The following CCDC71 variants were observed in gnomAD, a reference collection of about 807,000 sequenced individuals.
CCDC71 encodes the protein coiled-coil domain containing 71.
For synonymous variants in CCDC71, 257 were observed against 242.2 expected, an observed-to-expected ratio of 1.06 and a Z score of -0.57; for missense variants, 594 against 604.0, an observed-to-expected ratio of 0.98 and a Z score of 0.17.
rs750393761 is a variant in CCDC71 at position 49,162,559 on chromosome 3, TG to T, written c.*245del. ...GTGGAAAGGTATAAAACGTGATAGATGGAACAGTAGACATACAACTTGAATA... is the reference window on the plus strand; with the variant it reads ...GTGGAAAGGTATAAAACGTGATAGATGAACAGTAGACATACAACTTGAATA... On this transcript the variant is annotated 3_prime_UTR_variant, in exon 2 of 2. Coordinates refer to ENST00000321895, the MANE Select transcript of CCDC71 (RefSeq NM_022903.4). 18 of 567,310 alleles carry T rather than the reference TG, an allele frequency of 3.2e-5. No individual in the cohort carries two copies. Among genetic ancestry groups the T allele is most frequent in the Admixed American group, 3.1e-4 (10 of 32,014 alleles). 35.1% of individuals were successfully genotyped at this position (567,310 alleles called of 1,614,324 possible).
rs146765329 is a variant in CCDC71, at chr3:49,163,433, T to C, written c.776A>G (p.Asn259Ser). 492 of 1,614,148 alleles carry C rather than the reference T, an allele frequency of 3.0e-4. 1 individual carries two copies. The highest frequency in any genetic ancestry group is 1.8e-4 in the East Asian group (8 of 44,872). The change falls in exon 2 of 2, where the codon AAC becomes AGC. Residue 259 changes from asparagine (N) to serine (S), a missense_variant. Asn to Ser is a conservative substitution (Grantham distance 46, BLOSUM62 1). Transcript: ENST00000321895. ...RRGSGHQSKT[N>S]RATGSPSVRR... Reference sequence around the variant, plus strand: ...GACACTGGGGGACCCAGTGGCTCTGTTGGTTTTGCTCTGGTGCCCAGAGCC... The same window carrying C: ...GACACTGGGGGACCCAGTGGCTCTGCTGGTTTTGCTCTGGTGCCCAGAGCC...
In CCDC71 at chr3:49,163,833, C is replaced by T. The variant is rs769100705; in HGVS notation, c.376G>A (p.Ala126Thr). The T allele has an allele frequency of 7.4e-6, 12 of 1,614,058 alleles. No individual in the cohort carries two copies. In the Admixed American group the frequency reaches 1.7e-4, roughly 22 times the overall value. ...LLPMPLSGRL[A>T]KASTPALAKH... is the part of the protein sequence containing the mutation. ...GCAAGGGCTGGTGTGGATGCTTTGG[C>T]CAGTCTGCCAGATAGCGGCATGGGA... Residue 126 changes from alanine to threonine, a missense_variant, in exon 2 of 2, where the codon GCC (alanine) becomes ACC (threonine). By Grantham distance (58) the Ala-to-Thr change is moderately conservative. Coordinates refer to ENST00000321895, the MANE Select transcript of CCDC71 (RefSeq NM_022903.4).
intron 1 of CCDC71, among the ~76,000 whole-genome samples, chr3:49,164,656 T>G (rs1286068895): frequency 1.1e-4 from 16 of 152,194 alleles, no homozygotes; most frequent in Admixed American, 1.0e-3. Context: ...AAGACACTGT[T>G]AAGATTCTTG....
Position 49,163,937 on chromosome 3 carries a change from G to C in CCDC71, c.272C>G (p.Pro91Arg), listed in dbSNP as rs1177670286. The C allele has an allele frequency of 1.9e-6, 3 of 1,614,076 alleles. No homozygotes were observed. Among genetic ancestry groups the C allele is most frequent in the Admixed American group, 1.7e-5 (1 of 60,004 alleles). ...TGGAGGTGATGTGGCAGTTGGGTTA[G>C]GGGCACGAGCTTGCAGTTTCGTCTG... is the stretch of plus-strand genomic sequence containing the variant. ...PSQTKLQARA[P>R]NPTATSPPAS... Residue 91 changes from proline to arginine, a missense_variant, in exon 2 of 2, where the codon CCT (proline) becomes CGT (arginine). Physicochemically the swap from Pro to Arg is moderately radical, Grantham distance 103. Transcript: ENST00000321895.
chr3:49,165,179 G>A (rs545233802), intron 1 of CCDC71, among the ~76,000 whole-genome samples: 19 of 152,214 alleles, frequency 1.2e-4, no homozygotes, highest in Non-Finnish European at 2.6e-4. Flanking sequence ...GCAGACCAGG[G>A]ACCAGGAAGC....
In CCDC71 at chr3:49,162,985, C is replaced by T. The variant is rs1221206413; in HGVS notation, c.1224G>A (p.Gly408=). The T allele has an allele frequency of 2.5e-6, 4 of 1,614,264 alleles. No individual in the cohort carries two copies. Among genetic ancestry groups the T allele is most frequent in the Non-Finnish European group, 3.4e-6 (4 of 1,180,038 alleles). Residue 408 remains glycine, a synonymous_variant, in exon 2 of 2, where the codon GGG becomes GGA. Coordinates refer to ENST00000321895, the MANE Select transcript of CCDC71 (RefSeq NM_022903.4). The stretch of plus-strand genomic sequence containing the variant: ...CTAGCCATGCCTTAGGAGATCGGGG[C>T]CCAAGCCGTGTTCTCTTCTTGGGAG... ...DLPPKKRTRL[G]PRSPKAWLGP... is the part of the protein sequence containing the mutation.
rs2045701618 is a variant in CCDC71, at chr3:49,163,170, T to C, written c.1039A>G (p.Lys347Glu). 6.3e-7 allele frequency: 1 copy of C among 1,579,126 alleles called. No individual in the cohort carries two copies. Among genetic ancestry groups the C allele is most frequent in the Non-Finnish European group, 8.7e-7 (1 of 1,154,650 alleles). The change falls in exon 2 of 2, where the codon AAG becomes GAG. Residue 347 changes from lysine to glutamate, a missense_variant. Coordinates refer to ENST00000321895, the MANE Select transcript of CCDC71 (RefSeq NM_022903.4). The stretch of plus-strand genomic sequence containing the variant: ...ACCTTGGCCTTGGCCCGTACTGCCT[T>C]GGCTTTAGCCTTGGCCTTGGCCCAT... ...AAWAKAKAKA[K>E]AVRAKAKVAR...
Position 49,162,770 on chromosome 3 carries a change from G to C in CCDC71, c.*35C>G, listed in dbSNP as rs748069626. The C allele has an allele frequency of 6.3e-7, 1 of 1,593,356 alleles. No individual in the cohort carries two copies. The highest frequency in any genetic ancestry group is 1.3e-5 in the African/African-American group (1 of 74,662). On this transcript the variant is annotated 3_prime_UTR_variant, in exon 2 of 2. Coordinates refer to ENST00000321895, the MANE Select transcript of CCDC71 (RefSeq NM_022903.4). The stretch of plus-strand genomic sequence containing the variant: ...GTGCCACTAGCCACACAGACAGCTG[G>C]GCTTAGTTTCCCCAAACATTGCCGT...
At position 49,163,640 on chromosome 3, in the gene CCDC71, G is replaced by C; in HGVS notation, c.569C>G (p.Pro190Arg). The C allele has an allele frequency of 6.2e-7, 1 of 1,614,124 alleles. No individual in the cohort carries two copies. The highest frequency in any genetic ancestry group is 8.5e-7 in the Non-Finnish European group (1 of 1,180,028). The change falls in exon 2 of 2, where the codon CCC becomes CGC. Residue 190 changes from proline (P) to arginine (R), a missense_variant. Transcript: ENST00000321895. ...TGCCTTGTGCTTGGCACCCAAGCAG[G>C]GCATGGGAGTCTTAAGTGGAACCAG... ...EALVPLKTPM[P>R]CLGAKHKAQS... is the part of the protein sequence containing the mutation.
Position 49,162,621 on chromosome 3 carries a change from T to TCAC in CCDC71, c.*183_*184insGTG. The TCAC allele has an allele frequency of 6.9e-5, 2 of 28,832 alleles. 1 individual carries two copies. Among genetic ancestry groups the TCAC allele is most frequent in the Non-Finnish European group, 1.3e-4 (2 of 15,768 alleles). The allele number at this position is 28,832 out of a possible 1,614,324, so 1.8% of individuals were successfully genotyped here. A position where few individuals can be genotyped will look rare whatever the true frequency, so the allele number is the denominator to read the frequency against. On this transcript the variant is annotated 3_prime_UTR_variant, in exon 2 of 2. Transcript: ENST00000321895. ...GTGCATCGCGCCATGAAAACACCCC[T>TCAC]CCCGCCCACCCACCCCACCGTACCC...
In CCDC71 at chr3:49,163,077, C is replaced by T; in HGVS notation, c.1132G>A (p.Gly378Ser). The T allele has an allele frequency of 6.2e-7, 1 of 1,614,264 alleles. No homozygotes were observed. The highest frequency in any genetic ancestry group is 2.2e-5 in the East Asian group (1 of 44,874). The change falls in exon 2 of 2, where the codon GGC becomes AGC. Residue 378 changes from glycine to serine, a missense_variant. Coordinates refer to ENST00000321895, the MANE Select transcript of CCDC71 (RefSeq NM_022903.4). The stretch of plus-strand genomic sequence containing the variant: ...ACAGTCTCAGGGCGGTTTTTCTGGC[C>T]CTTCCTTGTAGTTCTGGCCTTAGCA... Reference protein sequence around the residue: ...GSAKARTTRKGQKNRPETVGQ... With the variant: ...GSAKARTTRKSQKNRPETVGQ...
At position 49,163,450 on chromosome 3, in the gene CCDC71, C is replaced by T. The variant is rs1190913539; in HGVS notation, c.759G>A (p.Gly253=). 1.9e-6 allele frequency: 3 copies of T among 1,614,244 alleles called. No individual in the cohort carries two copies. Among genetic ancestry groups the T allele is most frequent in the African/African-American group, 1.3e-5 (1 of 75,076 alleles). The change falls in exon 2 of 2, where the codon GGG becomes GGA. Residue 253 remains glycine, a synonymous_variant. Transcript: ENST00000321895. ...GPGAGPRRGS[G]HQSKTNRATG... ...TGGCTCTGTTGGTTTTGCTCTGGTG[C>T]CCAGAGCCTCGTCGGGGTCCAGCCC...
In CCDC71 at chr3:49,163,308, G is replaced by C. The variant is rs375985423; in HGVS notation, c.901C>G (p.Arg301Gly). ...KAARAQAKVA[R>G]TQAKAAKARA... ...GCCTTAGCAGCCTTGGCCTGTGTTC[G>C]AGCCACCTTGGCTTGGGCACGAGCA... The change falls in exon 2 of 2, where the codon CGA becomes GGA. Residue 301 changes from arginine to glycine, a missense_variant. Coordinates refer to ENST00000321895, the MANE Select transcript of CCDC71 (RefSeq NM_022903.4). The C allele has an allele frequency of 3.7e-6, 6 of 1,613,892 alleles. No individual in the cohort carries two copies. Among genetic ancestry groups the C allele is most frequent in the African/African-American group, 1.3e-5 (1 of 75,074 alleles).
rs1298022896 is a variant in CCDC71, at chr3:49,166,042, G to A, written c.-53+225C>T. On this transcript the variant is annotated intron_variant, in intron 1 of 1. Transcript: ENST00000321895. The surrounding 1 kb of genome is among the most constrained non-coding windows in gnomAD (Gnocchi z 4.0). ...TCCTTAGGGCCCAAGCCGTGAGGCG[G>A]GGGTCACTGAGGCAGCGAAATGTAC... Among the ~76,000 whole-genome samples, 1 of 152,314 alleles carries A rather than the reference G, an allele frequency of 6.6e-6. No homozygotes were observed. The highest frequency in any genetic ancestry group is 2.1e-4 in the South Asian group (1 of 4,828).
Position 49,163,195 on chromosome 3 carries a change from T to C in CCDC71, c.1014A>G (p.Ala338=), listed in dbSNP as rs757663335. 2.1e-5 allele frequency: 33 copies of C among 1,572,134 alleles called. No homozygotes were observed. The highest frequency in any genetic ancestry group is 2.9e-5 in the Non-Finnish European group (33 of 1,149,664). ...QVKAKAKVMA[A]WAKAKAKAKA... ...TGGCTTTAGCCTTGGCCTTGGCCCA[T>C]GCTGCCATGACTTTGGCCTTGGCCT... The change falls in exon 2 of 2, where the codon GCA becomes GCG. Residue 338 remains alanine (A), a synonymous_variant. Coordinates refer to ENST00000321895, the MANE Select transcript of CCDC71 (RefSeq NM_022903.4).
At chr3:49,165,231 G>T (rs2045716109) in intron 1 of CCDC71, among the ~76,000 whole-genome samples, 1 of 152,222 alleles carries the variant, frequency 6.6e-6, no homozygotes, top group Non-Finnish European at 1.5e-5. Context: ...GGAGCCAAAG[G>T]CTGCAAGTAG....
Position 49,162,678 on chromosome 3 carries a change from G to C in CCDC71, c.*127C>G. 2.9e-6 allele frequency: 2 copies of C among 678,752 alleles called. No individual in the cohort carries two copies. The highest frequency in any genetic ancestry group is 5.1e-4 in the Middle Eastern group (1 of 1,950). The allele number at this position is 678,752 out of a possible 1,614,324, so 42.0% of individuals were successfully genotyped here. On this transcript the variant is annotated 3_prime_UTR_variant, in exon 2 of 2. Transcript: ENST00000321895. ...CTCTGGTTTCTGAAAGGAGGCTGGT[G>C]GTCACCAGGGCCCTAGAGAGGCACC...
intron 1 of CCDC71, among the ~76,000 whole-genome samples, 170 bp from the exon 2 acceptor site, chr3:49,164,430 G>A (rs1354726767): frequency 2.0e-5 from 3 of 152,172 alleles, no homozygotes; most frequent in African/African-American, 7.2e-5. Context: ...ATGCTGGGGT[G>A]GGAGGAGAGG....
chr3:49,162,642 T>G lies in CCDC71; in HGVS notation c.*163A>C. 7.4e-5 allele frequency: 1 copy of G among 13,580 alleles called. No individual in the cohort carries two copies. Among genetic ancestry groups the G allele is most frequent in the South Asian group, 9.4e-4 (1 of 1,066 alleles). The allele number at this position is 13,580 out of a possible 1,614,324, so 0.8% of individuals were successfully genotyped here. A position where few individuals can be genotyped will look rare whatever the true frequency, so the allele number is the denominator to read the frequency against. ...CCCCTCCCGCCCACCCACCCCACCG[T>G]ACCCCACCCACTCTGGTTTCTGAAA... On this transcript the variant is annotated 3_prime_UTR_variant, in exon 2 of 2. Coordinates refer to ENST00000321895, the MANE Select transcript of CCDC71 (RefSeq NM_022903.4).
Sources: gnomAD v4.1 joint callset for allele counts (sites outside exome capture counted in the v4.1 genomes callset) on GRCh38, gnomAD v4.1.1 for gene constraint, Gnocchi (gnomAD v3.1) non-coding constraint, MANE v1.5 for transcripts, NCBI Gene and HGNC (gene_info 2026-07-23, HGNC 2026-07-21) for gene names.